SYT9: variants seen among roughly 807,000 people sequenced by gnomAD.
SYT9 encodes synaptotagmin 9.
A neutral mutation model predicts 48.4 loss-of-function variants in SYT9; 22 were observed. That is an observed-to-expected ratio of 0.45 (90% CI 0.32 to 0.65). SYT9 has a LOEUF of 0.65. SYT9 is among the 30% of genes least tolerant of loss of function. The pLI, the probability that SYT9 is intolerant of heterozygous loss-of-function variation, is 0.03. For synonymous variants in SYT9, 265 were observed against 245.0 expected (o/e 1.08, Z -0.76); for missense variants, 577 against 622.0 (o/e 0.93, Z 0.77).
At chr11:7,439,844 C>T (rs571041921) in intron 6 of SYT9, 1 of 152,302 alleles carries the variant, frequency 6.6e-6, no homozygotes, top group East Asian at 1.9e-4. Flanking sequence ...GTGATTGGAT[C>T]AAGATGGGGA....
chr11:7,348,908 A>T (rs975653019), intron 3 of SYT9, among the ~76,000 whole-genome samples: 1 of 151,562 alleles, frequency 6.6e-6, no homozygotes, highest in African/African-American at 2.4e-5. Context: ...CTGGTTCTGG[A>T]GAAAGAAAAG....
chr11:7,258,389 C>T (rs1470205689), intron 1 of SYT9, among the ~76,000 whole-genome samples: 1 of 152,134 alleles, frequency 6.6e-6, no homozygotes, highest in Non-Finnish European at 1.5e-5. Flanking sequence ...AAATGTGCAT[C>T]ACGACTTCCT....
At chr11:7,372,986 A>G (rs1192364325) in intron 3 of SYT9, among the ~76,000 whole-genome samples, 1 of 152,068 alleles carries the variant, frequency 6.6e-6, no homozygotes, top group East Asian at 1.9e-4. Context: ...ATATTTTTCT[A>G]TTGAGATGTT....
intron 2 of SYT9, among the ~76,000 whole-genome samples, chr11:7,305,499 AT>A (rs1431264254): frequency 1.3e-5 from 2 of 152,208 alleles, no homozygotes; most frequent in Non-Finnish European, 2.9e-5. Flanking sequence ...TCATGAGAAA[AT>A]GCACACACAC....
intron 1 of SYT9, 32 bp from the exon 2 acceptor site, chr11:7,303,007 C>A: frequency 6.3e-7 from 1 of 1,594,460 alleles, no homozygotes; most frequent in South Asian, 1.1e-5. Flanking sequence ...GGGGAATGAC[C>A]ACACTGACCT....
At chr11:7,258,056 A>G (rs1043576947) in intron 1 of SYT9, among the ~76,000 whole-genome samples, 1 of 152,210 alleles carries the variant, frequency 6.6e-6, no homozygotes, top group East Asian at 1.9e-4. Flanking sequence ...CAAATTTTCT[A>G]TTATGTATAG....
chr11:7,468,043 TG>T lies in SYT9; in HGVS notation c.*1248del. On this transcript the variant is annotated 3_prime_UTR_variant, in exon 7 of 7. Transcript: ENST00000318881. ...AGGCCTCAGCATATCCTGGGAGGACTGGGGGCTGTTACCTAATGGTCCTCTC... is the reference window on the plus strand; with the variant it reads ...AGGCCTCAGCATATCCTGGGAGGACTGGGGCTGTTACCTAATGGTCCTCTC... 1 of 379,608 alleles carries T rather than the reference TG, an allele frequency of 2.6e-6. No homozygotes were observed. Among genetic ancestry groups the T allele is most frequent in the Non-Finnish European group, 4.7e-6 (1 of 214,380 alleles). 23.5% of individuals were successfully genotyped at this position (379,608 alleles called of 1,614,324 possible).
At chr11:7,277,860 A>G (rs1225010704) in intron 1 of SYT9, among the ~76,000 whole-genome samples, 4 of 152,260 alleles carry the variant, frequency 2.6e-5, no homozygotes, top group African/African-American at 9.6e-5. Context: ...AGTGCTAATG[A>G]TGCTGTAGAC....
At chr11:7,316,605 T>A (rs919212258) in intron 3 of SYT9, among the ~76,000 whole-genome samples, 1 of 152,358 alleles carries the variant, frequency 6.6e-6, no homozygotes, top group Non-Finnish European at 1.5e-5. Flanking sequence ...CGCAGAGATT[T>A]TGTACACATC....
chr11:7,353,559 A>G (rs12222809), intron 3 of SYT9, among the ~76,000 whole-genome samples: 43,663 of 152,142 alleles, frequency 0.29, 8,340 homozygotes, highest in East Asian at 0.78. Context: ...GCCCTCTCCA[A>G]CAAGGTCTGT....
intron 3 of SYT9, among the ~76,000 whole-genome samples, chr11:7,386,900 C>A (rs926426488): frequency 1.3e-4 from 20 of 152,144 alleles, no homozygotes; most frequent in African/African-American, 4.3e-4. Flanking sequence ...AACCAATCCA[C>A]ATGTCCAACA....
chr11:7,330,081 C>T (rs1849500277), intron 3 of SYT9, among the ~76,000 whole-genome samples: 1 of 152,026 alleles, frequency 6.6e-6, no homozygotes, highest in African/African-American at 2.4e-5. Context: ...AAAAACTCTC[C>T]ATGAACCTAT....
intron 1 of SYT9, among the ~76,000 whole-genome samples, chr11:7,277,936 T>A (rs1848428133): frequency 6.6e-6 from 1 of 152,232 alleles, no homozygotes; most frequent in African/African-American, 2.4e-5. Flanking sequence ...GCCAGTCTGT[T>A]TTCTGTTGCT....
intron 1 of SYT9, among the ~76,000 whole-genome samples, chr11:7,240,367 C>T (rs748350804): frequency 1.4e-4 from 21 of 151,958 alleles, no homozygotes; most frequent in Admixed American, 2.0e-4. Context: ...GCCTAACCAC[C>T]GCTAGATACT....
At chr11:7,371,462 G>T (rs1850360415) in intron 3 of SYT9, among the ~76,000 whole-genome samples, 1 of 151,500 alleles carries the variant, frequency 6.6e-6, no homozygotes, top group South Asian at 2.1e-4. Flanking sequence ...CATTGAGAGT[G>T]GGATTTTTTT....
intron 1 of SYT9, among the ~76,000 whole-genome samples, chr11:7,273,371 C>T (rs908972373): frequency 6.6e-6 from 1 of 151,110 alleles, no homozygotes; most frequent in African/African-American, 2.4e-5. Context: ...TGTTTTTTGA[C>T]TGGTTCTTCT....
intron 3 of SYT9, among the ~76,000 whole-genome samples, chr11:7,322,667 G>T (rs1007210210): frequency 2.6e-5 from 4 of 151,994 alleles, no homozygotes; most frequent in Non-Finnish European, 4.4e-5. Context: ...AAAGTGTTTG[G>T]TTTTTTTAAT....
intron 3 of SYT9, among the ~76,000 whole-genome samples, chr11:7,360,026 G>A (rs1348596655): frequency 6.6e-6 from 1 of 151,692 alleles, no homozygotes; most frequent in African/African-American, 2.4e-5. Flanking sequence ...ATTGATTTTT[G>A]TATAAGGTGT....
At chr11:7,328,104 A>AG (rs1233974518) in intron 3 of SYT9, among the ~76,000 whole-genome samples, 1 of 150,556 alleles carries the variant, frequency 6.6e-6, no homozygotes, top group African/African-American at 2.4e-5. Flanking sequence ...TAATAATTTT[A>AG]AAAAAAATTT....
Sources: allele counts gnomAD v4.1 joint callset (sites outside exome capture counted in the v4.1 genomes callset), GRCh38; gene constraint gnomAD v4.1.1; transcripts MANE v1.5; gene names NCBI Gene and HGNC (gene_info 2026-07-23, HGNC 2026-07-21).